Variants in STARD8 observed in about 807,000 individuals in gnomAD.
STARD8 encodes stAR-related lipid transfer protein 8.
STARD8 carries 25 observed loss-of-function variants against 69.4 expected under a neutral mutation model. The observed-to-expected ratio is 0.36, with a 90% confidence interval of 0.26 to 0.50. The LOEUF (loss-of-function observed/expected upper bound fraction) is 0.50. STARD8 is among the 20% of genes least tolerant of loss of function. The probability of loss-of-function intolerance (pLI) is 0.96; values close to 1 mark genes in which losing one functional copy is unlikely to be tolerated. For missense variants in STARD8, 921 were observed against 932.5 expected, an observed-to-expected ratio of 0.99 and a Z score of 0.16; for synonymous variants, 389 against 374.6, an observed-to-expected ratio of 1.04 and a Z score of -0.45.
At chrX:68,688,495 C>T (rs1407077133) in intron 2 of STARD8, among the ~76,000 whole-genome samples, 2 of 109,793 alleles carry the variant, frequency 1.8e-5, no homozygotes, top group Non-Finnish European at 3.8e-5. Context: ...TGGCAGCTGA[C>T]GATGGAACCT....
intron 1 of STARD8, among the ~76,000 whole-genome samples, chrX:68,653,101 C>T (rs1602535074): frequency 2.4e-5 from 1 of 42,524 alleles, no homozygotes; most frequent in African/African-American, 1.1e-4. Flanking sequence ...ACCACACACA[C>T]CACACACACA....
intron 1 of STARD8, among the ~76,000 whole-genome samples, chrX:68,657,826 G>A (rs770109021): frequency 9.0e-6 from 1 of 110,571 alleles, no homozygotes; most frequent in African/African-American, 3.3e-5. Flanking sequence ...TTGTTCTCGG[G>A]GGTGGAAGAG....
rs2079859292 is a variant in STARD8 at position 68,689,418 on chromosome X, G to GT, written c.80-23496_80-23495insT. Among the ~76,000 whole-genome samples the GT allele has an allele frequency of 4.5e-5, 5 of 112,065 alleles. No homozygotes were observed. The South Asian group carries it at 1.9e-3, about 42-fold the overall frequency. On this transcript the variant is annotated intron_variant, in intron 2 of 14. Coordinates refer to ENST00000374599, the MANE Select transcript of STARD8 (RefSeq NM_001142503.3). ...GGTACCTGTGGCACTGTCATGGCCCGGGGGGTCTACTGAGTGGATGCTGGG... is the reference window on the plus strand; with the variant it reads ...GGTACCTGTGGCACTGTCATGGCCCGTGGGGGTCTACTGAGTGGATGCTGGG...
chrX:68,668,455 T>C (rs1326461815), intron 2 of STARD8, among the ~76,000 whole-genome samples: 3 of 108,689 alleles, frequency 2.8e-5, no homozygotes, highest in African/African-American at 6.7e-5. Flanking sequence ...CCTTCCTCAA[T>C]AGCTGGGACT....
At chrX:68,661,182 C>T (rs1341534571) in intron 1 of STARD8, among the ~76,000 whole-genome samples, 1 of 111,655 alleles carries the variant, frequency 9.0e-6, no homozygotes, top group East Asian at 2.8e-4. Flanking sequence ...AGCCTGGAGG[C>T]TGAGCGAAGA....
chrX:68,701,635 G>T (rs977765617), intron 2 of STARD8, among the ~76,000 whole-genome samples: 1 of 112,123 alleles, frequency 8.9e-6, no homozygotes, highest in Non-Finnish European at 1.9e-5. Flanking sequence ...AGCTGCATTG[G>T]GGTGGGGAGG....
At chrX:68,691,686 CCTT>C (rs755126995) in intron 2 of STARD8, among the ~76,000 whole-genome samples, 5 of 112,175 alleles carry the variant, frequency 4.5e-5, no homozygotes, top group Non-Finnish European at 7.5e-5. Flanking sequence ...GCGAAGTTCT[CCTT>C]CTAAGTATTT....
intron 8 of STARD8, 80 bp from the exon 9 acceptor site, chrX:68,720,843 AC>A: frequency 1.0e-6 from 1 of 993,624 alleles, no homozygotes; most frequent in Non-Finnish European, 1.4e-6. Context: ...GGCTCCTGAC[AC>A]CCAGTCTAGG....
chrX:68,662,066 G>A (rs758167905), intron 1 of STARD8, among the ~76,000 whole-genome samples: 37 of 104,905 alleles, frequency 3.5e-4, no homozygotes, highest in Non-Finnish European at 5.4e-4. Context: ...GGAGTGCCAT[G>A]GCGTGATCTC....
In STARD8 at chrX:68,701,665, G is replaced by T. The variant is rs148293921; in HGVS notation, c.80-11249G>T. 7.5e-3 allele frequency among the ~76,000 whole-genome samples: 836 copies of T among 111,805 alleles called. 5 individuals are homozygous for T. The highest frequency in any genetic ancestry group is 0.025 in the African/African-American group (767 of 30,741). Reference sequence around the variant, plus strand: ...GGGAGGGAGTGCAGGAGGGAGTTGGGCAGTGGGGGTGGCAGTGTGGGCAGT... The same window carrying T: ...GGGAGGGAGTGCAGGAGGGAGTTGGTCAGTGGGGGTGGCAGTGTGGGCAGT... On this transcript the variant is annotated intron_variant, in intron 2 of 14. Transcript: ENST00000374599.
At chrX:68,706,483 T>C (rs949035473) in intron 2 of STARD8, among the ~76,000 whole-genome samples, 4 of 111,991 alleles carry the variant, frequency 3.6e-5, no homozygotes, top group African/African-American at 1.3e-4. Flanking sequence ...GGTGGCCCTG[T>C]AATCCCTGAC....
At position 68,717,669 on chromosome X, in the gene STARD8, T is replaced by C; in HGVS notation, c.755T>C (p.Leu252Pro). 1 of 1,212,072 alleles carries C rather than the reference T, an allele frequency of 8.3e-7. No homozygotes were observed. The highest frequency in any genetic ancestry group is 1.8e-5 in the South Asian group (1 of 57,009). Residue 252 changes from leucine to proline, a missense_variant, in exon 6 of 15, where the codon CTC (leucine) becomes CCC (proline). Physicochemically the swap from Leu to Pro is moderately conservative, Grantham distance 98. Coordinates refer to ENST00000374599, the MANE Select transcript of STARD8 (RefSeq NM_001142503.3). ...TCTTTCCGCAGTTGTCGTGGCTTCC[T>C]CTCAGCTGGATTTTACAGGGCCAAG... ...ASSFRSCRGF[L>P]SAGFYRAKNW...
At chrX:68,686,971 C>T (rs948682902) in intron 2 of STARD8, among the ~76,000 whole-genome samples, 30 of 111,660 alleles carry the variant, frequency 2.7e-4, no homozygotes, top group African/African-American at 9.8e-4. Context: ...TTCTTCGTCT[C>T]TGCCTTTGGT....
chrX:68,653,113 A>ACC (rs2079573490), intron 1 of STARD8, among the ~76,000 whole-genome samples: 2 of 26,205 alleles, frequency 7.6e-5, no homozygotes, highest in Non-Finnish European at 6.7e-5. Context: ...ACACACACAC[A>ACC]CCACACACCA....
At chrX:68,662,483 C>T (rs983470225) in intron 1 of STARD8, among the ~76,000 whole-genome samples, 3 of 111,895 alleles carry the variant, frequency 2.7e-5, no homozygotes, top group Non-Finnish European at 3.8e-5. Flanking sequence ...TAAGGCCCTT[C>T]GTGATCTGGC....
intron 2 of STARD8, among the ~76,000 whole-genome samples, chrX:68,708,048 G>A (rs772729269): frequency 6.3e-5 from 7 of 111,919 alleles, no homozygotes; most frequent in Non-Finnish European, 1.1e-4. Context: ...GACTAGATGG[G>A]TACAAAATTC....
chrX:68,688,563 G>C (rs1310368168), intron 2 of STARD8, among the ~76,000 whole-genome samples: 2 of 111,296 alleles, frequency 1.8e-5, no homozygotes, highest in African/African-American at 6.6e-5. Context: ...CGCCTTCCCA[G>C]GTTTTTTCTT....
rs199527179 is a variant in STARD8 at position 68,715,373 on chromosome X, T to C, written c.231T>C (p.Cys77=). 6 of 1,201,975 alleles carry C rather than the reference T, an allele frequency of 5.0e-6. No homozygotes were observed. Among genetic ancestry groups the C allele is most frequent in the Non-Finnish European group, 6.7e-6 (6 of 891,140 alleles). The change falls in exon 4 of 15, where the codon TGT becomes TGC. Residue 77 remains cysteine, a splice_region_variant and synonymous_variant. Coordinates refer to ENST00000374599, the MANE Select transcript of STARD8 (RefSeq NM_001142503.3). ...ACGAGGACTCTTTGGGGGCCCTGTGTAGGTAGGTGGGCTGAGGGCCAGGCC... is the reference window on the plus strand; with the variant it reads ...ACGAGGACTCTTTGGGGGCCCTGTGCAGGTAGGTGGGCTGAGGGCCAGGCC... ...FLDEDSLGAL[C]RRLMTLNNCA...
intron 13 of STARD8, 41 bp downstream of exon 13, chrX:68,723,884 C>G (rs778376112): frequency 2.5e-6 from 3 of 1,204,027 alleles, no homozygotes; most frequent in Admixed American, 2.2e-5. Context: ...CTTGGGGGGC[C>G]GGAGAAGTGG....
Sources: gnomAD v4.1 joint callset for allele counts (sites outside exome capture counted in the v4.1 genomes callset) on GRCh38, gnomAD v4.1.1 for gene constraint, MANE v1.5 for transcripts, NCBI Gene and HGNC (gene_info 2026-07-23, HGNC 2026-07-21) for gene names.